The following MARK1 variants were observed in gnomAD, a reference collection of about 807,000 sequenced individuals.
The protein encoded by MARK1 is microtubule affinity regulating kinase 1, also known as serine/threonine-protein kinase MARK1.
A neutral mutation model predicts 96.3 loss-of-function variants in MARK1; 40 were observed. That is an observed-to-expected ratio of 0.42 (90% CI 0.32 to 0.54). MARK1 has a LOEUF of 0.54. MARK1 is among the 20% of genes least tolerant of loss of function. MARK1 has a pLI of 0.16. For missense variants in MARK1, 719 were observed against 984.6 expected (o/e 0.73, Z 3.61); for synonymous variants, 317 against 341.2 (o/e 0.93, Z 0.78).
intron 1 of MARK1, among the ~76,000 whole-genome samples, chr1:220,546,342 C>T (rs1457478406): frequency 6.6e-6 from 1 of 152,092 alleles, no homozygotes; most frequent in Non-Finnish European, 1.5e-5. Flanking sequence ...GTATGTATTG[C>T]GAGTATGGTT....
At chr1:220,558,714 TTA>T (rs1662462429) in intron 1 of MARK1, among the ~76,000 whole-genome samples, 1 of 152,016 alleles carries the variant, frequency 6.6e-6, no homozygotes, top group Non-Finnish European at 1.5e-5. Flanking sequence ...ATTGATATAT[TTA>T]TAAAAGAAAT....
In MARK1 at chr1:220,653,192, A is replaced by C. The variant is rs771233010; in HGVS notation, c.1828A>C (p.Ser610Arg). The change falls in exon 16 of 18, where the codon AGC becomes CGC. Residue 610 changes from serine to arginine, a missense_variant. By Grantham distance (110) the Ser-to-Arg change is moderately radical. Transcript: ENST00000366917. ...GACCCGTTTTCCCCGAGGGAGCTCA[A>C]GCCGAAGCACTTTCCATGGTGAACA... ...DRTRFPRGSS[S>R]RSTFHGEQLR... is the part of the protein sequence containing the mutation. 6.2e-7 allele frequency: 1 copy of C among 1,614,228 alleles called. No homozygotes were observed. Among genetic ancestry groups the C allele is most frequent in the Non-Finnish European group, 8.5e-7 (1 of 1,180,034 alleles).
Position 220,653,017 on chromosome 1 carries a change from T to C in MARK1, c.1737-84T>C, listed in dbSNP as rs1414990734. 5 of 1,481,420 alleles carry C rather than the reference T, an allele frequency of 3.4e-6. No individual in the cohort carries two copies. The Admixed American group carries it at 7.0e-5, about 21-fold the overall frequency. The allele number at this position is 1,481,420 out of a possible 1,614,324, so 91.8% of individuals were successfully genotyped here. A position where few individuals can be genotyped will look rare whatever the true frequency, so the allele number is the denominator to read the frequency against. On this transcript the variant is annotated intron_variant, in intron 15 of 17. Transcript: ENST00000366917. ...AAAGTAGGGCCAAAAGAAGTAGCCA[T>C]AGCTATTTGTTTCAAGTTTTTAGCT...
intron 15 of MARK1, among the ~76,000 whole-genome samples, chr1:220,652,804 G>C (rs189710937): frequency 6.6e-6 from 1 of 152,132 alleles, no homozygotes; most frequent in Admixed American, 6.5e-5. Flanking sequence ...ATTGCTAAGT[G>C]GTTTCAGGAG....
In MARK1 at chr1:220,656,908, G is replaced by A. The variant is rs912042038; in HGVS notation, c.1989-882G>A. Among the ~76,000 whole-genome samples the A allele has an allele frequency of 7.9e-5, 12 of 152,156 alleles. 1 individual carries two copies. The highest frequency in any genetic ancestry group is 2.6e-4 in the Admixed American group (4 of 15,268). ...ATTTTAGGGCTTGGTATGTGGGTGTGTTTTATGAATTTGGGGGATGGGAGA... is the reference window on the plus strand; with the variant it reads ...ATTTTAGGGCTTGGTATGTGGGTGTATTTTATGAATTTGGGGGATGGGAGA... On this transcript the variant is annotated intron_variant, in intron 16 of 17. Coordinates refer to ENST00000366917, the MANE Select transcript of MARK1 (RefSeq NM_018650.5).
intron 9 of MARK1, chr1:220,626,311 G>T: frequency 1.8e-6 from 1 of 545,548 alleles, no homozygotes; most frequent in Admixed American, 1.9e-5. Context: ...CACAGACTGG[G>T]TCATGACTAT....
rs56212262 is a variant in MARK1, at chr1:220,558,133, AAATAATAATAATAATAAT to A, written c.52-21192_52-21175del. ...GGGCAACAGAGTGAGACCCTGTCTC[AAATAATAATAATAATAAT>A]AATAATAATAATAATAATAATAATA... On this transcript the variant is annotated intron_variant, in intron 1 of 17. Transcript: ENST00000366917. 2.1e-4 allele frequency among the ~76,000 whole-genome samples: 29 copies of A among 137,158 alleles called. 1 individual carries two copies. The highest frequency in any genetic ancestry group is 8.5e-4 in the East Asian group (4 of 4,718). 90.0% of individuals were successfully genotyped at this position (137,158 alleles called of 152,430 possible). A position where few individuals can be genotyped will look rare whatever the true frequency, so the allele number is the denominator to read the frequency against.
At chr1:220,538,415 C>G (rs1660880963) in intron 1 of MARK1, among the ~76,000 whole-genome samples, 1 of 150,522 alleles carries the variant, frequency 6.6e-6, no homozygotes, top group East Asian at 1.9e-4. Context: ...TCTGAGGGCT[C>G]TGTTCTGTTG....
At chr1:220,546,332 G>A (rs1342946725) in intron 1 of MARK1, among the ~76,000 whole-genome samples, 1 of 152,142 alleles carries the variant, frequency 6.6e-6, no homozygotes, top group Non-Finnish European at 1.5e-5. Flanking sequence ...CACTGTGGTG[G>A]TATGTATTGC....
intron 1 of MARK1, among the ~76,000 whole-genome samples, chr1:220,532,597 C>A (rs1660390309): frequency 6.6e-6 from 1 of 152,186 alleles, no homozygotes; most frequent in African/African-American, 2.4e-5. Context: ...GTGACCTACC[C>A]AAGGTTAATA....
intron 1 of MARK1, among the ~76,000 whole-genome samples, chr1:220,551,337 C>CA (rs1661839815): frequency 6.6e-6 from 1 of 152,160 alleles, no homozygotes; most frequent in Admixed American, 6.5e-5. Flanking sequence ...TAATCTTGTG[C>CA]AAATTTCTCT....
intron 1 of MARK1, among the ~76,000 whole-genome samples, chr1:220,547,085 T>C (rs1661553964): frequency 6.6e-6 from 1 of 152,234 alleles, no homozygotes; most frequent in Admixed American, 6.5e-5. Context: ...CCTTTCTTTC[T>C]TATGGCTCTT....
In MARK1 at chr1:220,598,398, T is replaced by TTTTA. The variant is rs1553326400; in HGVS notation, c.358+20_358+21insTTAT. The TTTTA allele has an allele frequency of 3.7e-5, 8 of 213,942 alleles. No homozygotes were observed. The highest frequency in any genetic ancestry group is 6.7e-5 in the Non-Finnish European group (7 of 105,136). 13.3% of individuals were successfully genotyped at this position (213,942 alleles called of 1,614,324 possible). On this transcript the variant is annotated intron_variant, in intron 4 of 17. Transcript: ENST00000366917. ...AATATAGGTATGAAATATATATATA[T>TTTTA]TATATATATATATATATATAATTAG...
chr1:220,645,638 C>T (rs961773559), intron 13 of MARK1, among the ~76,000 whole-genome samples: 23 of 152,224 alleles, frequency 1.5e-4, no homozygotes, highest in Admixed American at 9.8e-4. Flanking sequence ...TGATGAACAT[C>T]GATGCAAAAA....
intron 1 of MARK1, among the ~76,000 whole-genome samples, chr1:220,573,619 G>A (rs753326706): frequency 4.6e-5 from 7 of 152,076 alleles, no homozygotes; most frequent in South Asian, 4.1e-4. Flanking sequence ...CACTGTGCCC[G>A]GCCGAGGCTT....
At chr1:220,554,124 G>T (rs557554407) in intron 1 of MARK1, among the ~76,000 whole-genome samples, 10 of 152,258 alleles carry the variant, frequency 6.6e-5, no homozygotes, top group African/African-American at 2.4e-4. Flanking sequence ...CTAGACTCCT[G>T]GGAATTTCAC....
intron 1 of MARK1, among the ~76,000 whole-genome samples, chr1:220,569,448 A>C (rs1002857013): frequency 1.3e-5 from 2 of 151,970 alleles, no homozygotes; most frequent in Non-Finnish European, 2.9e-5. Context: ...GCCATTTCCC[A>C]TGCTGAGACT....
intron 13 of MARK1, among the ~76,000 whole-genome samples, chr1:220,638,784 T>C (rs1668115889): frequency 6.6e-6 from 1 of 152,190 alleles, no homozygotes; most frequent in African/African-American, 2.4e-5. Flanking sequence ...ATTTTGGTAG[T>C]TTGAGAAACC....
intron 1 of MARK1, among the ~76,000 whole-genome samples, chr1:220,534,344 G>T (rs1660536129): frequency 6.6e-6 from 1 of 151,984 alleles, no homozygotes; most frequent in African/African-American, 2.4e-5. Context: ...CAATTGATTA[G>T]TTAACTATAG....
Sources: allele counts gnomAD v4.1 joint callset (sites outside exome capture counted in the v4.1 genomes callset), GRCh38; gene constraint gnomAD v4.1.1; transcripts MANE v1.5; gene names NCBI Gene and HGNC (gene_info 2026-07-23, HGNC 2026-07-21).